The following CPA6 variants were observed in gnomAD, a reference collection of about 807,000 sequenced individuals.
CPA6 encodes carboxypeptidase B.
Under a neutral mutation model 63.3 loss-of-function variants are expected in CPA6, and 58 were observed. That is an observed-to-expected ratio of 0.92 (90% CI 0.74 to 1.14). The LOEUF (loss-of-function observed/expected upper bound fraction) is 1.14. Among genes scored for constraint, CPA6 ranks in the 50% most tolerant of loss-of-function variants. The pLI is 0.00. For missense variants in CPA6, 565 were observed against 526.6 expected (o/e 1.07, Z -0.71); for synonymous variants, 185 against 179.0 (o/e 1.03, Z -0.27).
intron 8 of CPA6, among the ~76,000 whole-genome samples, chr8:67,470,028 CTT>C: frequency 7.0e-6 from 1 of 143,044 alleles, no homozygotes; most frequent in African/African-American, 2.6e-5. Flanking sequence ...ATCATGTTTC[CTT>C]TTTTTTTTTT....
intron 1 of CPA6, among the ~76,000 whole-genome samples, chr8:67,657,235 AG>A (rs1211698946): frequency 1.3e-5 from 2 of 152,328 alleles, no homozygotes; most frequent in Admixed American, 1.3e-4. Context: ...AATATTAAAA[AG>A]GTAACTTAAA....
In CPA6 at chr8:67,608,180, C is replaced by T. The variant is rs145905501; in HGVS notation, c.192+15996G>A. The stretch of plus-strand genomic sequence containing the variant: ...CAGACAGGAGGCAGGAGAGTAGGGT[C>T]CCTGGCAAGGGCTCTACCCTCAAGC... On this transcript the variant is annotated intron_variant, in intron 2 of 10. Coordinates refer to ENST00000297770, the MANE Select transcript of CPA6 (RefSeq NM_020361.5). 6.5e-3 allele frequency among the ~76,000 whole-genome samples: 983 copies of T among 152,268 alleles called. 9 individuals carry two copies. The highest frequency in any genetic ancestry group is 0.022 in the African/African-American group (931 of 41,552).
In CPA6 at chr8:67,746,138, GAA is replaced by G. The variant is rs531326049; in HGVS notation, c.-11_-10del. ...TTCCCGAGACACTTCATAGTGTTAAGAAGAGAGGAGTTGAAAGTTACTTAAGC... is the reference window on the plus strand; with the variant it reads ...TTCCCGAGACACTTCATAGTGTTAAGGAGAGGAGTTGAAAGTTACTTAAGC... On this transcript the variant is annotated 5_prime_UTR_variant, in exon 1 of 11. Coordinates refer to ENST00000297770, the MANE Select transcript of CPA6 (RefSeq NM_020361.5). 4.2e-4 allele frequency: 672 copies of G among 1,603,076 alleles called. 5 individuals are homozygous for G. In the South Asian group the frequency reaches 5.0e-3, roughly 12 times the overall value.
chr8:67,579,165 C>CT (rs1813701840), intron 2 of CPA6, among the ~76,000 whole-genome samples: 1 of 152,016 alleles, frequency 6.6e-6, no homozygotes, highest in African/African-American at 2.4e-5. Flanking sequence ...AATCCCAGCA[C>CT]TTTAGGAGGT....
chr8:67,579,519 A>G (rs1181674076), intron 2 of CPA6, among the ~76,000 whole-genome samples: 1 of 152,262 alleles, frequency 6.6e-6, no homozygotes, highest in Admixed American at 6.5e-5. Flanking sequence ...TATTATAAGC[A>G]TAATAAATAC....
chr8:67,677,558 G>A lies in CPA6; in HGVS notation c.117-53307C>T, dbSNP rs200069475. 4.6e-5 allele frequency among the ~76,000 whole-genome samples: 7 copies of A among 152,046 alleles called. No individual in the cohort carries two copies. The East Asian group carries it at 1.4e-3, about 29-fold the overall frequency. On this transcript the variant is annotated intron_variant, in intron 1 of 10. Transcript: ENST00000297770. ...GCCAACTCACAAATGAATGTTTAGA[G>A]CACAGGCTGCACATCTCTCTCTCTC...
At chr8:67,695,011 C>T (rs918298328) in intron 1 of CPA6, among the ~76,000 whole-genome samples, 12 of 152,044 alleles carry the variant, frequency 7.9e-5, no homozygotes, top group Admixed American at 3.9e-4. Context: ...GGGGATAGAC[C>T]TCTCTGAATG....
intron 8 of CPA6, among the ~76,000 whole-genome samples, chr8:67,456,697 C>A (rs1328949293): frequency 6.6e-6 from 1 of 152,196 alleles, no homozygotes; most frequent in Non-Finnish European, 1.5e-5. Flanking sequence ...TCACCAGGTC[C>A]TAATCCATGG....
chr8:67,444,163 AT>A (rs1430542193), intron 8 of CPA6, among the ~76,000 whole-genome samples: 6 of 151,294 alleles, frequency 4.0e-5, no homozygotes, highest in East Asian at 2.0e-4. Context: ...GGCTTTTTGT[AT>A]TTTTTAGTAG....
intron 3 of CPA6, among the ~76,000 whole-genome samples, chr8:67,517,701 G>A (rs1812174928): frequency 6.6e-6 from 1 of 152,138 alleles, no homozygotes; most frequent in African/African-American, 2.4e-5. Flanking sequence ...TGATCACTTA[G>A]TGGTAACAGT....
At chr8:67,745,700 A>G (rs1048828007) in intron 1 of CPA6, among the ~76,000 whole-genome samples, 1 of 152,160 alleles carries the variant, frequency 6.6e-6, no homozygotes, top group Non-Finnish European at 1.5e-5. Flanking sequence ...AGCATCCCCA[A>G]GCATCAACCA....
At chr8:67,535,810 G>A (rs1428596962) in intron 2 of CPA6, among the ~76,000 whole-genome samples, 1 of 152,106 alleles carries the variant, frequency 6.6e-6, no homozygotes, top group Non-Finnish European at 1.5e-5. Flanking sequence ...TATTGCCTAG[G>A]TTTTCTTCTA....
chr8:67,428,211 C>T (rs543595611), intron 9 of CPA6, 80 bp from the exon 10 acceptor site: 6 of 748,710 alleles, frequency 8.0e-6, no homozygotes, highest in South Asian at 1.6e-5. Context: ...TGAGCCTCAT[C>T]GATCATCACC....
chr8:67,608,336 A>T (rs890931543), intron 2 of CPA6, among the ~76,000 whole-genome samples: 2 of 152,224 alleles, frequency 1.3e-5, no homozygotes, highest in African/African-American at 4.8e-5. Context: ...GCAGAAGAGC[A>T]GCAGAGCCAC....
chr8:67,581,746 A>G (rs1345249061), intron 2 of CPA6, among the ~76,000 whole-genome samples: 1 of 152,198 alleles, frequency 6.6e-6, no homozygotes, highest in Non-Finnish European at 1.5e-5. Context: ...TAAGATTCAG[A>G]ATAGGACTTT....
intron 2 of CPA6, among the ~76,000 whole-genome samples, chr8:67,586,097 A>C (rs1196957587): frequency 6.6e-6 from 1 of 152,180 alleles, no homozygotes; most frequent in African/African-American, 2.4e-5. Context: ...TATGTGGCTT[A>C]TGGAGGAGTA....
At chr8:67,600,697 T>C (rs1814474164) in intron 2 of CPA6, among the ~76,000 whole-genome samples, 1 of 152,180 alleles carries the variant, frequency 6.6e-6, no homozygotes, top group Non-Finnish European at 1.5e-5. Context: ...TGGTGTCTTG[T>C]GTTAAAAGGG....
intron 2 of CPA6, among the ~76,000 whole-genome samples, chr8:67,582,966 G>T (rs1339175056): frequency 6.6e-6 from 1 of 152,052 alleles, no homozygotes; most frequent in Non-Finnish European, 1.5e-5. Flanking sequence ...CATGACGGTT[G>T]TTTTTGGTTA....
chr8:67,676,694 G>A (rs931842590), intron 1 of CPA6, among the ~76,000 whole-genome samples: 16 of 152,256 alleles, frequency 1.1e-4, no homozygotes, highest in Admixed American at 2.6e-4. Flanking sequence ...TTCCTTCAGA[G>A]GACTGAACTT....
Sources: gnomAD v4.1 joint callset for allele counts (sites outside exome capture counted in the v4.1 genomes callset) on GRCh38, gnomAD v4.1.1 for gene constraint, MANE v1.5 for transcripts, NCBI Gene and HGNC (gene_info 2026-07-23, HGNC 2026-07-21) for gene names.